OR5P3: variants seen among roughly 807,000 people sequenced by gnomAD.
OR5P3 encodes olfactory receptor 5P3.
For synonymous variants in OR5P3, 172 were observed against 141.8 expected, an observed-to-expected ratio of 1.21 and a Z score of -1.51; for missense variants, 415 against 375.6, an observed-to-expected ratio of 1.10 and a Z score of -0.87.
intron 1 of OR5P3, among the ~76,000 whole-genome samples, chr11:7,828,168 A>G (rs527737289): frequency 6.6e-6 from 1 of 152,284 alleles, no homozygotes; most frequent in South Asian, 2.1e-4. Context: ...TCATTTGAGA[A>G]GGCTGCAGAG....
intron 1 of OR5P3, among the ~76,000 whole-genome samples, chr11:7,828,700 A>C (rs955862275): frequency 3.9e-5 from 6 of 152,194 alleles, no homozygotes; most frequent in African/African-American, 1.2e-4. Context: ...CTGGAGTTAA[A>C]AAAACAAAAA....
chr11:7,827,219 T>C (rs1857753538), intron 1 of OR5P3, among the ~76,000 whole-genome samples: 1 of 152,198 alleles, frequency 6.6e-6, no homozygotes. Flanking sequence ...CTATAGACTA[T>C]CAGAAAGTAT....
chr11:7,825,526 G>T lies in OR5P3; in HGVS notation c.447C>A (p.Tyr149Ter). The T allele has an allele frequency of 6.2e-7, 1 of 1,613,204 alleles. No individual in the cohort carries two copies. Among genetic ancestry groups the T allele is most frequent in the Non-Finnish European group, 8.5e-7 (1 of 1,180,036 alleles). ...TCCAAGCATTCACACATCCACCCAG[G>T]TAGGACATGCCCACTAAGATGATGC... ...GVCIILVGMSYLGGCVNAWTF... is the reference protein window; with the variant it reads ...GVCIILVGMS The change falls in exon 2 of 2, where the codon TAC (tyrosine) becomes TAA (stop). Residue 149 changes from tyrosine (Y) to a stop codon, truncating the protein, a stop_gained. Transcript: ENST00000641167. LOFTEE classifies it low-confidence loss of function (END_TRUNC).
chr11:7,825,596 A>G lies in OR5P3; in HGVS notation c.377T>C (p.Ile126Thr), dbSNP rs756446184. Residue 126 changes from isoleucine to threonine, a missense_variant, in exon 2 of 2, where the codon ATC becomes ACC. Coordinates refer to ENST00000641167, the MANE Select transcript of OR5P3 (RefSeq NM_153445.2). Reference sequence around the variant, plus strand: ...GGTAGAGTAGAGCAGGGGTGAGCAGATGGCCACATAGCGATCATAGGCCAT... The same window carrying G: ...GGTAGAGTAGAGCAGGGGTGAGCAGGTGGCCACATAGCGATCATAGGCCAT... ...AAMAYDRYVA[I>T]CSPLLYSTCM... 1.2e-6 allele frequency: 2 copies of G among 1,613,192 alleles called. No individual in the cohort carries two copies. Among genetic ancestry groups the G allele is most frequent in the Non-Finnish European group, 1.7e-6 (2 of 1,180,036 alleles).
At chr11:7,829,017 T>A (rs1450768930) in intron 1 of OR5P3, among the ~76,000 whole-genome samples, 2 of 152,108 alleles carry the variant, frequency 1.3e-5, no homozygotes, top group African/African-American at 4.8e-5. Context: ...TTGATTTTTA[T>A]GAAGGAGAGA....
chr11:7,825,543 A>G lies in OR5P3; in HGVS notation c.430T>C (p.Leu144=), dbSNP rs1475507663. The part of the protein sequence containing the change: ...TCMSPGVCII[L]VGMSYLGGCV... ...CCACCCAGGTAGGACATGCCCACTAAGATGATGCAGACTCCAGGGGACATG... is the reference window on the plus strand; with the variant it reads ...CCACCCAGGTAGGACATGCCCACTAGGATGATGCAGACTCCAGGGGACATG... The change falls in exon 2 of 2, where the codon TTA becomes CTA. Residue 144 remains leucine (L), a synonymous_variant. Coordinates refer to ENST00000641167, the MANE Select transcript of OR5P3 (RefSeq NM_153445.2). 1 of 1,613,184 alleles carries G rather than the reference A, an allele frequency of 6.2e-7. No individual in the cohort carries two copies. The highest frequency in any genetic ancestry group is 1.1e-5 in the South Asian group (1 of 91,076).
rs1375087167 is a variant in OR5P3, at chr11:7,824,988, T to C, written c.*49A>G. The C allele has an allele frequency of 4.4e-6, 6 of 1,355,184 alleles. No homozygotes were observed. The highest frequency in any genetic ancestry group is 1.5e-5 in the South Asian group (1 of 66,968). 83.9% of individuals were successfully genotyped at this position (1,355,184 alleles called of 1,614,324 possible). A position where few individuals can be genotyped will look rare whatever the true frequency, so the allele number is the denominator to read the frequency against. On this transcript the variant is annotated 3_prime_UTR_variant, in exon 2 of 2. Transcript: ENST00000641167. ...ACAAACACTCGGTGTCTTATTATTA[T>C]TATATATAGAATATTAATATATCAG...
At chr11:7,826,515 A>G (rs908621707) in intron 1 of OR5P3, among the ~76,000 whole-genome samples, 2 of 152,214 alleles carry the variant, frequency 1.3e-5, no homozygotes, top group Admixed American at 1.3e-4. Flanking sequence ...AGAGGTCAGT[A>G]ACTCAACACT....
intron 1 of OR5P3, 32 bp from the exon 2 acceptor site, chr11:7,826,025 G>T (rs1016359140): frequency 2.1e-6 from 2 of 973,786 alleles, no homozygotes; most frequent in African/African-American, 1.8e-5. Context: ...ATTATAATGG[G>T]ATTAAATGCT....
In OR5P3 at chr11:7,825,062, TC is replaced by T; in HGVS notation, c.910del (p.Glu304SerfsTer4). The T allele has an allele frequency of 6.2e-7, 1 of 1,613,978 alleles. No individual in the cohort carries two copies. Among genetic ancestry groups the T allele is most frequent in the Non-Finnish European group, 8.5e-7 (1 of 1,179,990 alleles). On this transcript the variant is annotated frameshift_variant, in exon 2 of 2. Transcript: ENST00000641167. LOFTEE classifies it low-confidence loss of function (END_TRUNC). The part of the protein sequence containing the change: ...NKEIKGALKR[E>X]LRIKIFS The stretch of plus-strand genomic sequence containing the variant: ...TCAAGAAAATATTTTTATTCTAAGC[TC>T]TCTCTTCAGAGCCCCCTTAATCTCC...
At position 7,825,403 on chromosome 11, in the gene OR5P3, G is replaced by A. The variant is rs1193938379; in HGVS notation, c.570C>T (p.Ser190=). Residue 190 remains serine (S), a synonymous_variant, in exon 2 of 2, where the codon TCC becomes TCT. Coordinates refer to ENST00000641167, the MANE Select transcript of OR5P3 (RefSeq NM_153445.2). The stretch of plus-strand genomic sequence containing the variant: ...GAATTATTTCAAAAGTAAAATCATG[G>A]GAACAAGCAAGCTTCAAAAGTGGTG... ...DYSPLLKLAC[S]HDFTFEIIPA... 4 of 1,613,040 alleles carry A rather than the reference G, an allele frequency of 2.5e-6. No homozygotes were observed. In the African/African-American group the frequency reaches 5.4e-5, roughly 22 times the overall value.
rs188867116 is a variant in OR5P3 at position 7,825,982 on chromosome 11, G to A, written c.-10C>T. ...CATTTCCAGTCCCCATCTATATTGG[G>A]AATGGTGCCAACTGAAAGAAAAACA... is the stretch of plus-strand genomic sequence containing the variant. On this transcript the variant is annotated 5_prime_UTR_variant, in exon 2 of 2. Transcript: ENST00000641167. 18 of 1,375,686 alleles carry A rather than the reference G, an allele frequency of 1.3e-5. 1 individual carries two copies. The Admixed American group carries it at 2.9e-4, about 22-fold the overall frequency. The allele number at this position is 1,375,686 out of a possible 1,614,324, so 85.2% of individuals were successfully genotyped here. A position where few individuals can be genotyped will look rare whatever the true frequency, so the allele number is the denominator to read the frequency against.
Position 7,829,751 on chromosome 11 carries a change from A to G in OR5P3, c.-22+1073T>C, listed in dbSNP as rs984397026. Among the ~76,000 whole-genome samples, 7 of 152,270 alleles carry G rather than the reference A, an allele frequency of 4.6e-5. No individual in the cohort carries two copies. In the East Asian group the frequency reaches 1.3e-3, roughly 29 times the overall value. On this transcript the variant is annotated intron_variant, in intron 1 of 1. Coordinates refer to ENST00000641167, the MANE Select transcript of OR5P3 (RefSeq NM_153445.2). ...TCTTAAGTATCCAATTGATGCCTCT[A>G]TTAGAATTAAGAAAAAAGAGAAGCA...
At chr11:7,830,045 T>C (rs1335672642) in intron 1 of OR5P3, among the ~76,000 whole-genome samples, 1 of 152,196 alleles carries the variant, frequency 6.6e-6, no homozygotes, top group Non-Finnish European at 1.5e-5. Context: ...TCCTCAACAA[T>C]AGCAACCACA....
chr11:7,828,428 G>A (rs1027703933), intron 1 of OR5P3, among the ~76,000 whole-genome samples: 3 of 152,284 alleles, frequency 2.0e-5, no homozygotes, highest in Admixed American at 1.3e-4. Flanking sequence ...GAGAGAGAGA[G>A]TACAGAAGAT....
Position 7,825,661 on chromosome 11 carries a change from T to C in OR5P3, c.312A>G (p.Val104=), listed in dbSNP as rs1482791. 0.61 allele frequency: 989,112 copies of C among 1,612,568 alleles called. 313,133 individuals carry two copies. Among genetic ancestry groups the C allele is most frequent in the Non-Finnish European group, 0.64 (760,431 of 1,179,928 alleles). Residue 104 remains valine (V), a synonymous_variant, in exon 2 of 2, where the codon GTA becomes GTG. Coordinates refer to ENST00000641167, the MANE Select transcript of OR5P3 (RefSeq NM_153445.2). ...VAGCVAQLCS[V]VTFGTAECFL... ...AGCACTCGGCCGTACCAAACGTCAC[T>C]ACAGAACAGAGCTGGGCCACACAAC...
Position 7,825,818 on chromosome 11 carries a change from C to T in OR5P3, c.155G>A (p.Ser52Asn). The change falls in exon 2 of 2, where the codon AGT becomes AAT. Residue 52 changes from serine (S) to asparagine (N), a missense_variant. Ser to Asn is a conservative substitution (Grantham distance 46). Coordinates refer to ENST00000641167, the MANE Select transcript of OR5P3 (RefSeq NM_153445.2). ...GTACATGGGTGTATGAAGATGATGA[C>T]TTCTTCTGATCAATACAATTATGCT... The part of the protein sequence containing the change: ...NISIIVLIRR[S>N]HHLHTPMYIF... 1 of 1,612,578 alleles carries T rather than the reference C, an allele frequency of 6.2e-7. No homozygotes were observed. Among genetic ancestry groups the T allele is most frequent in the South Asian group, 1.1e-5 (1 of 91,012 alleles).
Position 7,825,230 on chromosome 11 carries a change from A to AGTGGGAGTGGGAGTG in OR5P3, c.742_743insCACTCCCACTCCCAC (p.Val248delinsAlaLeuProLeuProLeu), listed in dbSNP as rs758492369. ...GGTAATGGTCCCATAGAACAGAGTGACTGCAGTGAGGTGGGAGGTGCAGGT... is the reference window on the plus strand; with the variant it reads ...GGTAATGGTCCCATAGAACAGAGTGAGTGGGAGTGGGAGTGCTGCAGTGAGGTGGGAGGTGCAGGT... On this transcript the variant is annotated protein_altering_variant, in exon 2 of 2. Coordinates refer to ENST00000641167, the MANE Select transcript of OR5P3 (RefSeq NM_153445.2). 4.5e-5 allele frequency: 73 copies of AGTGGGAGTGGGAGTG among 1,612,998 alleles called. 1 individual carries two copies. In the East Asian group the frequency reaches 1.3e-3, roughly 30 times the overall value.
chr11:7,827,655 C>T (rs1411572534), intron 1 of OR5P3, among the ~76,000 whole-genome samples: 1 of 152,060 alleles, frequency 6.6e-6, no homozygotes, highest in Non-Finnish European at 1.5e-5. Flanking sequence ...TATAATTATT[C>T]TACCAGTGAA....
Sources: allele counts gnomAD v4.1 joint callset (sites outside exome capture counted in the v4.1 genomes callset), GRCh38; gene constraint gnomAD v4.1.1; transcripts MANE v1.5; gene names NCBI Gene and HGNC (gene_info 2026-07-23, HGNC 2026-07-21).